RANBP2: variants seen among roughly 807,000 people sequenced by gnomAD.
RANBP2 encodes the protein RAN binding protein 2, also known as E3 SUMO-protein ligase RanBP2.
A neutral mutation model predicts 303.6 loss-of-function variants in RANBP2; 57 were observed. The ratio of observed to expected loss-of-function variants is 0.19; its 90% confidence interval spans 0.15 to 0.23. RANBP2 has a LOEUF of 0.23. RANBP2 is among the 10% of genes least tolerant of loss of function. RANBP2 has a pLI of 1.00. For synonymous variants in RANBP2, 1,167 were observed against 1,301.5 expected (o/e 0.90, Z 2.23); for missense variants, 3,138 against 3,780.8 (o/e 0.83, Z 4.46).
At chr2:108,898,253 T>C in the RANBP2 span, among the ~76,000 whole-genome samples, 1 of 152,120 alleles carries the variant, frequency 6.6e-6, no homozygotes, top group Non-Finnish European at 1.5e-5. Context: ...GGAAAGGCCA[T>C]GTAGGGAGCT....
the RANBP2 span, chr2:109,614,946 C>T: frequency 5.3e-6 from 8 of 1,520,930 alleles, no homozygotes; most frequent in Non-Finnish European, 7.0e-6. Flanking sequence ...CGCCGGGGCT[C>T]GCAGGAAGAA....
chr2:109,685,999 T>G, the RANBP2 span, among the ~76,000 whole-genome samples: 1 of 152,180 alleles, frequency 6.6e-6, no homozygotes, highest in Non-Finnish European at 1.5e-5. Flanking sequence ...CACAGAACAG[T>G]TATTTTTAGA....
the RANBP2 span, among the ~76,000 whole-genome samples, chr2:109,311,541 G>A: frequency 6.6e-6 from 1 of 152,052 alleles, no homozygotes; most frequent in Non-Finnish European, 1.5e-5. Context: ...GAGGAAAAGA[G>A]GAAGTCAAAT....
At chr2:109,528,307 G>A in the RANBP2 span, among the ~76,000 whole-genome samples, 1 of 152,216 alleles carries the variant, frequency 6.6e-6, no homozygotes, top group African/African-American at 2.4e-5. Flanking sequence ...CCCAGCACAA[G>A]GCCCAGCAGA....
the RANBP2 span, chr2:109,128,420 C>T: frequency 1.3e-5 from 2 of 152,114 alleles, 1 homozygote; most frequent in South Asian, 4.1e-4. Context: ...GCGCCTGGCG[C>T]CAGGGTGCTG....
the RANBP2 span, chr2:109,544,287 T>C: frequency 1.2e-6 from 2 of 1,611,500 alleles, no homozygotes; most frequent in Admixed American, 1.7e-5. Flanking sequence ...ATGATGACCT[T>C]CTGTGCTCTG....
the RANBP2 span, among the ~76,000 whole-genome samples, chr2:109,274,585 T>A: frequency 6.6e-6 from 1 of 152,124 alleles, no homozygotes; most frequent in African/African-American, 2.4e-5. Flanking sequence ...AATAGGTAAA[T>A]CCATGGAAAC....
the RANBP2 span, among the ~76,000 whole-genome samples, chr2:109,659,525 C>T: frequency 3.3e-5 from 5 of 152,158 alleles, no homozygotes; most frequent in Non-Finnish European, 7.4e-5. Flanking sequence ...GTCAGTGGTT[C>T]GCATGGACGG....
chr2:109,653,316 A>C, the RANBP2 span, among the ~76,000 whole-genome samples: 1 of 151,486 alleles, frequency 6.6e-6, no homozygotes, highest in Admixed American at 6.6e-5. Context: ...AATCACTTGA[A>C]CCTGGGAGGC....
chr2:108,963,591 A>G, the RANBP2 span, among the ~76,000 whole-genome samples: 1 of 152,200 alleles, frequency 6.6e-6, no homozygotes, highest in Non-Finnish European at 1.5e-5. Context: ...CAATATAGTC[A>G]AGACAGAAGA....
the RANBP2 span, among the ~76,000 whole-genome samples, chr2:109,382,403 C>T: frequency 1.3e-5 from 2 of 152,254 alleles, no homozygotes; most frequent in Admixed American, 6.5e-5. Context: ...GGCCCACCTG[C>T]GCCCAGCCCA....
the RANBP2 span, among the ~76,000 whole-genome samples, chr2:108,979,465 TCTCA>T: frequency 8.7e-5 from 12 of 138,318 alleles, no homozygotes; most frequent in East Asian, 1.0e-3. Flanking sequence ...TCTCTCTCTC[TCTCA>T]CACACACACA....
chr2:108,957,301 CTT>C, the RANBP2 span, among the ~76,000 whole-genome samples: 5 of 152,218 alleles, frequency 3.3e-5, no homozygotes, highest in African/African-American at 1.2e-4. Flanking sequence ...AGCAACGCCT[CTT>C]GTTTATGGGC....
the RANBP2 span, chr2:109,553,004 C>A: frequency 2.0e-6 from 3 of 1,519,416 alleles, no homozygotes; most frequent in Non-Finnish European, 2.7e-6. Context: ...AAAAGAGTCT[C>A]AAGCAAATTC....
chr2:108,960,293 CTT>C, the RANBP2 span, among the ~76,000 whole-genome samples: 2 of 152,224 alleles, frequency 1.3e-5, no homozygotes, highest in Non-Finnish European at 2.9e-5. Context: ...TGGTTTGACA[CTT>C]TCCTAGGAGA....
the RANBP2 span, among the ~76,000 whole-genome samples, chr2:108,858,528 G>C: frequency 6.6e-6 from 1 of 152,112 alleles, no homozygotes; most frequent in Non-Finnish European, 1.5e-5. Flanking sequence ...TTACTTGCTT[G>C]AATTTTAATG....
At chr2:109,449,220 C>A in the RANBP2 span, 3 of 1,613,618 alleles carry the variant, frequency 1.9e-6, no homozygotes, top group South Asian at 1.1e-5. Flanking sequence ...CACCGTGTCA[C>A]CCCTGCGCAC....
At chr2:109,130,896 C>T in the RANBP2 span, among the ~76,000 whole-genome samples, 8 of 152,204 alleles carry the variant, frequency 5.3e-5, no homozygotes, top group East Asian at 1.9e-4. Flanking sequence ...ATTACACACC[C>T]TTGCCACCTT....
At chr2:109,679,232 G>A in the RANBP2 span, among the ~76,000 whole-genome samples, 1 of 152,166 alleles carries the variant, frequency 6.6e-6, no homozygotes, top group East Asian at 1.9e-4. Context: ...AGAACAACAG[G>A]CAGAGCCTTG....
Sources: allele counts gnomAD v4.1 joint callset (sites outside exome capture counted in the v4.1 genomes callset), GRCh38; gene constraint gnomAD v4.1.1; transcripts MANE v1.5; gene names NCBI Gene and HGNC (gene_info 2026-07-23, HGNC 2026-07-21).